Variants in LAMA3 observed in about 807,000 individuals in gnomAD.
LAMA3 encodes the protein laminin subunit alpha-3.
Under a neutral mutation model 402.0 loss-of-function variants are expected in LAMA3, and 281 were observed. The ratio of observed to expected loss-of-function variants is 0.70; its 90% CI spans 0.63 to 0.77. The LOEUF is 0.77. LAMA3 is among the 30% of genes least tolerant of loss of function. LAMA3 has a pLI of 0.00. For missense variants in LAMA3, 3,840 were observed against 4,215.5 expected, an observed-to-expected ratio of 0.91 and a Z score of 2.47; for synonymous variants, 1,431 against 1,558.4, an observed-to-expected ratio of 0.92 and a Z score of 1.93.
At chr18:23,710,723 G>A (rs10853571) in intron 1 of LAMA3, among the ~76,000 whole-genome samples, 71,385 of 151,804 alleles carry the variant, frequency 0.47, 18,975 homozygotes, top group Non-Finnish European at 0.61. Context: ...ATGAAAGAAA[G>A]GACAAGGAAT....
intron 37 of LAMA3, 128 bp downstream of exon 37, chr18:23,868,045 T>TAC: frequency 1.3e-6 from 1 of 789,810 alleles, no homozygotes; most frequent in Non-Finnish European, 2.1e-6. Flanking sequence ...TGTTTATATA[T>TAC]ACAGGTTGAG....
chr18:23,722,127 A>G (rs11662720), intron 2 of LAMA3, among the ~76,000 whole-genome samples: 74,241 of 152,100 alleles, frequency 0.49, 19,845 homozygotes, highest in Non-Finnish European at 0.61. Flanking sequence ...ATGTCAGTAG[A>G]GACCTAACTG....
At chr18:23,721,746 C>T (rs2061217064) in intron 2 of LAMA3, among the ~76,000 whole-genome samples, 1 of 152,142 alleles carries the variant, frequency 6.6e-6, no homozygotes. Flanking sequence ...GTAGTGGAAC[C>T]CATGGCAGCT....
chr18:23,904,723 C>T (rs376124980), intron 51 of LAMA3, 29 bp downstream of exon 51: 36 of 1,611,834 alleles, frequency 2.2e-5, no homozygotes, highest in Non-Finnish European at 2.9e-5. Context: ...AGCTTCTCCA[C>T]ATTCGCTGTG....
chr18:23,792,234 G>A (rs2062672552), intron 12 of LAMA3, among the ~76,000 whole-genome samples: 1 of 152,192 alleles, frequency 6.6e-6, no homozygotes, highest in Admixed American at 6.5e-5. Context: ...GAATACCTGA[G>A]ATTGGGTAGT....
intron 32 of LAMA3, among the ~76,000 whole-genome samples, chr18:23,849,063 G>A (rs1598916151): frequency 6.6e-6 from 1 of 152,174 alleles, no homozygotes; most frequent in East Asian, 1.9e-4. Flanking sequence ...ACCGTACTCT[G>A]GTATAACCTC....
At position 23,810,865 on chromosome 18, in the gene LAMA3, T is replaced by C. The variant is rs145749397; in HGVS notation, c.1741+362T>C. On this transcript the variant is annotated intron_variant, in intron 13 of 74. Coordinates refer to ENST00000313654, the MANE Select transcript of LAMA3 (RefSeq NM_198129.4). The stretch of plus-strand genomic sequence containing the variant: ...TGTTGTCTTCTGTCCCGAGGCATCA[T>C]GCCTTCTTTCGCTCCCAGCTTGTGG... Among the ~76,000 whole-genome samples the C allele has an allele frequency of 3.2e-3, 493 of 152,292 alleles. 6 individuals are homozygous for C. The highest frequency in any genetic ancestry group is 0.011 in the African/African-American group (473 of 41,538).
chr18:23,793,583 G>A (rs1315501613), intron 12 of LAMA3, among the ~76,000 whole-genome samples: 1 of 151,652 alleles, frequency 6.6e-6, no homozygotes, highest in Non-Finnish European at 1.5e-5. Flanking sequence ...TTTGAGATTA[G>A]CATAGGGCTG....
chr18:23,892,398 T>G lies in LAMA3; in HGVS notation c.5411-1900T>G, dbSNP rs371217145. 2.8e-4 allele frequency among the ~76,000 whole-genome samples: 43 copies of G among 152,192 alleles called. 1 individual carries two copies. The East Asian group carries it at 6.9e-3, about 25-fold the overall frequency. On this transcript the variant is annotated intron_variant, in intron 42 of 74. Coordinates refer to ENST00000313654, the MANE Select transcript of LAMA3 (RefSeq NM_198129.4). Reference sequence around the variant, plus strand: ...TTGTTGTTTTTTATTCTTTTTTTTTTTCTTCAACTAATAAGGGACACATTC... The same window carrying G: ...TTGTTGTTTTTTATTCTTTTTTTTTGTCTTCAACTAATAAGGGACACATTC...
chr18:23,872,978 AG>A, intron 38 of LAMA3: 1 of 1,602,650 alleles, frequency 6.2e-7, no homozygotes, highest in Non-Finnish European at 8.5e-7. Flanking sequence ...GGCACTGAGC[AG>A]GAAGGGCAGG....
intron 35 of LAMA3, among the ~76,000 whole-genome samples, chr18:23,862,053 C>A (rs1266716528): frequency 1.3e-5 from 2 of 152,208 alleles, no homozygotes; most frequent in Non-Finnish European, 2.9e-5. Flanking sequence ...CAATGTTTTT[C>A]TCAGTTTTTA....
chr18:23,816,348 A>T, intron 17 of LAMA3, 40 bp from the exon 18 acceptor site: 1 of 1,526,020 alleles, frequency 6.6e-7, no homozygotes, highest in East Asian at 2.3e-5. Context: ...CAGTGTGGAG[A>T]TGGTTTAAGG....
At chr18:23,897,238 A>G (rs1384310820) in intron 44 of LAMA3, among the ~76,000 whole-genome samples, 1 of 152,206 alleles carries the variant, frequency 6.6e-6, no homozygotes, top group Non-Finnish European at 1.5e-5. Flanking sequence ...GCTTTGGGGA[A>G]AGTTTAATAA....
chr18:23,755,988 A>C (rs1180708018), intron 6 of LAMA3, among the ~76,000 whole-genome samples: 1 of 152,184 alleles, frequency 6.6e-6, no homozygotes, highest in Non-Finnish European at 1.5e-5. Context: ...GCTCAATTTT[A>C]ATCCCCCTAT....
intron 44 of LAMA3, among the ~76,000 whole-genome samples, chr18:23,897,674 C>T (rs565677180): frequency 2.0e-5 from 3 of 152,334 alleles, no homozygotes; most frequent in East Asian, 3.9e-4. Flanking sequence ...CACTTCTTAT[C>T]CAGGTGTTCT....
chr18:23,915,512 A>T (rs2081581618), intron 59 of LAMA3, 90 bp downstream of exon 59: 2 of 1,253,152 alleles, frequency 1.6e-6, no homozygotes, highest in African/African-American at 3.0e-5. Flanking sequence ...GGCCAGTGAG[A>T]TGCTATTGAT....
intron 17 of LAMA3, 90 bp downstream of exon 17, chr18:23,815,663 C>A: frequency 1.1e-6 from 1 of 914,844 alleles, no homozygotes; most frequent in Non-Finnish European, 1.8e-6. Flanking sequence ...GTCATCTTCA[C>A]GCAGACTTTC....
At position 23,954,484 on chromosome 18, in the gene LAMA3, T is replaced by C. The variant is rs375147746; in HGVS notation, c.9857-19T>C. The C allele has an allele frequency of 2.8e-5, 45 of 1,609,506 alleles. No individual in the cohort carries two copies. Among genetic ancestry groups the C allele is most frequent in the Non-Finnish European group, 3.4e-5 (40 of 1,176,850 alleles). On this transcript the variant is annotated intron_variant, in intron 74 of 74. Transcript: ENST00000313654. ...CAGTATGAATTATTTACTGAATGCCTCTCCACTTTCTCTTTCAGCCAATTT... is the reference window on the plus strand; with the variant it reads ...CAGTATGAATTATTTACTGAATGCCCCTCCACTTTCTCTTTCAGCCAATTT...
intron 73 of LAMA3, 128 bp from the exon 74 acceptor site, chr18:23,952,862 A>C: frequency 8.2e-7 from 1 of 1,216,962 alleles, no homozygotes; most frequent in Admixed American, 1.7e-5. Flanking sequence ...TTTATATCTA[A>C]GCTGACCAAA....
Sources: gnomAD v4.1 joint callset for allele counts (sites outside exome capture counted in the v4.1 genomes callset) on GRCh38, gnomAD v4.1.1 for gene constraint, MANE v1.5 for transcripts, NCBI Gene and HGNC (gene_info 2026-07-23, HGNC 2026-07-21) for gene names.